Variants in POTEE observed in about 807,000 individuals in gnomAD.
POTEE encodes the protein POTE ankyrin domain family member E.
A neutral mutation model predicts 74.2 loss-of-function variants in POTEE; 21 were observed. The ratio of observed to expected loss-of-function variants is 0.28; its 90% CI spans 0.20 to 0.41. POTEE has a LOEUF of 0.41. Among genes scored for constraint, POTEE ranks in the 10% least tolerant of loss-of-function variants. The pLI is 1.00. For missense variants in POTEE, 525 were observed against 1,158.6 expected (o/e 0.45, Z 7.94); for synonymous variants, 211 against 432.8 (o/e 0.49, Z 6.36).
At position 131,232,753 on chromosome 2, in the gene POTEE, A is replaced by C. The variant is rs563048430; in HGVS notation, c.1126+1847A>C. Among the ~76,000 whole-genome samples the C allele has an allele frequency of 5.8e-3, 876 of 151,494 alleles. 3 individuals are homozygous for C. The highest frequency in any genetic ancestry group is 0.02 in the African/African-American group (801 of 41,024). ...CTAGGATCCCACTTTTCCCTCTTTC[A>C]GCTGTGCTGTTGACAGTGTTTTATT... On this transcript the variant is annotated intron_variant, in intron 9 of 17. Transcript: ENST00000683005.
chr2:131,216,830 C>G (rs938872335), intron 2 of POTEE, among the ~76,000 whole-genome samples: 1 of 151,578 alleles, frequency 6.6e-6, no homozygotes, highest in Non-Finnish European at 1.5e-5. Flanking sequence ...ATTCCACTTA[C>G]ATGAAATGTC....
At chr2:131,229,266 GT>G (rs1402751472) in intron 8 of POTEE, among the ~76,000 whole-genome samples, 1 of 152,152 alleles carries the variant, frequency 6.6e-6, no homozygotes, top group Non-Finnish European at 1.5e-5. Flanking sequence ...TTCAAATAAT[GT>G]GGCAGAAAGA....
chr2:131,234,376 G>C (rs1447435579), intron 9 of POTEE, among the ~76,000 whole-genome samples: 2 of 146,496 alleles, frequency 1.4e-5, no homozygotes, highest in Non-Finnish European at 3.0e-5. Context: ...TTCCCCGCTT[G>C]CAGCCTGCAA....
chr2:131,210,556 C>T (rs1433592654), intron 1 of POTEE, among the ~76,000 whole-genome samples: 2 of 152,172 alleles, frequency 1.3e-5, no homozygotes, highest in East Asian at 1.9e-4. Context: ...AGAGTTCCTG[C>T]TCGTGCAATC....
intron 16 of POTEE, among the ~76,000 whole-genome samples, chr2:131,258,580 C>G (rs1364493991): frequency 1.3e-5 from 2 of 152,078 alleles, no homozygotes. Flanking sequence ...ACATTTTTAT[C>G]TCATTAAAAA....
chr2:131,265,234 T>C lies in POTEE; in HGVS notation c.*551T>C, dbSNP rs1041374740. On this transcript the variant is annotated 3_prime_UTR_variant, in exon 18 of 18. Coordinates refer to ENST00000683005, the MANE Select transcript of POTEE (RefSeq NM_001083538.3). ...GGAGGCAGCCAGGGCTTACCTGTAC[T>C]CTGACTTGAGGAGAGTTGGATAAAA... The C allele has an allele frequency of 7.0e-6, 1 of 143,834 alleles. No homozygotes were observed. Among genetic ancestry groups the C allele is most frequent in the Non-Finnish European group, 1.5e-5 (1 of 67,782 alleles). The allele number at this position is 143,834 out of a possible 1,614,324, so 8.9% of individuals were successfully genotyped here. A position where few individuals can be genotyped will look rare whatever the true frequency, so the allele number is the denominator to read the frequency against.
chr2:131,215,857 C>T (rs552615862), intron 2 of POTEE, among the ~76,000 whole-genome samples: 42 of 134,278 alleles, frequency 3.1e-4, no homozygotes, highest in African/African-American at 1.0e-3. Context: ...ATGCTGAGAA[C>T]GTTATATGTA....
At chr2:131,248,427 A>T (rs1298706234) in intron 13 of POTEE, among the ~76,000 whole-genome samples, 1 of 152,136 alleles carries the variant, frequency 6.6e-6, no homozygotes, top group Non-Finnish European at 1.5e-5. Context: ...TAACCTGGAC[A>T]TGAGGAAGGA....
intron 17 of POTEE, among the ~76,000 whole-genome samples, chr2:131,262,807 A>G (rs1296108076): frequency 2.0e-5 from 3 of 152,294 alleles, no homozygotes; most frequent in Non-Finnish European, 4.4e-5. Context: ...TGTAATTCTT[A>G]TAACTGAGTA....
At chr2:131,229,225 TAGG>T (rs945370700) in intron 8 of POTEE, among the ~76,000 whole-genome samples, 74 of 152,258 alleles carry the variant, frequency 4.9e-4, no homozygotes, top group African/African-American at 1.6e-3. Flanking sequence ...TGGCAGATGT[TAGG>T]TGGGCTTGTT....
intron 8 of POTEE, among the ~76,000 whole-genome samples, chr2:131,228,992 GT>G (rs1055742057): frequency 6.7e-6 from 1 of 148,944 alleles, no homozygotes; most frequent in Non-Finnish European, 1.5e-5. Flanking sequence ...TGACTTTGAT[GT>G]TTTTTAATTC....
chr2:131,237,288 A>G (rs1471025444), intron 10 of POTEE, among the ~76,000 whole-genome samples: 1 of 151,894 alleles, frequency 6.6e-6, no homozygotes, highest in South Asian at 2.1e-4. Flanking sequence ...AGGAGTAATC[A>G]TGGCCAGTGA....
intron 6 of POTEE, among the ~76,000 whole-genome samples, chr2:131,224,342 A>G (rs994861889): frequency 6.9e-6 from 1 of 144,524 alleles, no homozygotes; most frequent in South Asian, 2.3e-4. Flanking sequence ...TTTTTTCCCT[A>G]TTGAATGTAA....
intron 6 of POTEE, among the ~76,000 whole-genome samples, chr2:131,225,026 C>T (rs1312092338): frequency 6.6e-6 from 1 of 152,138 alleles, no homozygotes; most frequent in Non-Finnish European, 1.5e-5. Flanking sequence ...AAATGGGCCT[C>T]TCTCCTACTC....
At chr2:131,227,215 GAACTTT>G (rs996949468) in intron 7 of POTEE, among the ~76,000 whole-genome samples, 4 of 148,234 alleles carry the variant, frequency 2.7e-5, no homozygotes, top group Non-Finnish European at 5.9e-5. Context: ...TATGAAGTTT[GAACTTT>G]AACTTTTAGT....
chr2:131,217,064 AAAT>A (rs1165898861), intron 2 of POTEE, among the ~76,000 whole-genome samples: 2 of 152,072 alleles, frequency 1.3e-5, no homozygotes. Flanking sequence ...TGAGTGAATT[AAAT>A]AATATATAAA....
intron 4 of POTEE, among the ~76,000 whole-genome samples, chr2:131,222,303 A>T (rs907891026): frequency 6.6e-6 from 1 of 152,244 alleles, no homozygotes; most frequent in Admixed American, 6.5e-5. Flanking sequence ...CAAACTAACA[A>T]AGGAAGAGAA....
chr2:131,217,435 C>T (rs1700467916), intron 2 of POTEE, among the ~76,000 whole-genome samples, 154 bp from the exon 3 acceptor site: 1 of 115,056 alleles, frequency 8.7e-6, no homozygotes, highest in South Asian at 3.6e-4. Context: ...CAGCCAGCTC[C>T]GTCAGCCCGA....
rs781525139 is a variant in POTEE, at chr2:131,263,675, G to A, written c.2220G>A (p.Gln740=). The part of the protein sequence containing the change: ...VFPSIVGRPR[Q]QGMMGGMHQK... Reference sequence around the variant, plus strand: ...CTTCCATCGTGGGGCGCCCCAGGCAGCAGGGCATGATGGGGGGCATGCATC... The same window carrying A: ...CTTCCATCGTGGGGCGCCCCAGGCAACAGGGCATGATGGGGGGCATGCATC... Residue 740 remains glutamine (Q), a synonymous_variant, in exon 18 of 18, where the codon CAG becomes CAA. Coordinates refer to ENST00000683005, the MANE Select transcript of POTEE (RefSeq NM_001083538.3). The A allele has an allele frequency of 1.1e-5, 18 of 1,599,224 alleles. No individual in the cohort carries two copies. In the East Asian group the frequency reaches 3.4e-4, roughly 30 times the overall value.
Sources: gnomAD v4.1 joint callset for allele counts (sites outside exome capture counted in the v4.1 genomes callset) on GRCh38, gnomAD v4.1.1 for gene constraint, MANE v1.5 for transcripts, NCBI Gene and HGNC (gene_info 2026-07-23, HGNC 2026-07-21) for gene names.